DNAAF19: variants seen among roughly 807,000 people sequenced by gnomAD.
DNAAF19 encodes coiled-coil domain containing 103.
the DNAAF19 span, chr17:44,902,850 C>T: frequency 1.3e-6 from 2 of 1,484,922 alleles, no homozygotes; most frequent in East Asian, 5.0e-5. Flanking sequence ...TCCCAGTGGT[C>T]ACTGGAGGCA....
chr17:44,903,806 C>T, the DNAAF19 span: 1 of 1,540,764 alleles, frequency 6.5e-7, no homozygotes, highest in Non-Finnish European at 8.8e-7. Flanking sequence ...TGCCCTGCCC[C>T]TCTGACCCCT....
chr17:44,902,503 G>A, the DNAAF19 span: 1 of 1,614,260 alleles, frequency 6.2e-7, no homozygotes, highest in Non-Finnish European at 8.5e-7. Context: ...CCAGACAGAT[G>A]TGGGATTTGG....
chr17:44,901,558 G>A, the DNAAF19 span: 227 of 1,614,054 alleles, frequency 1.4e-4, no homozygotes, highest in East Asian at 4.1e-3. Flanking sequence ...CCACTGGAGC[G>A]GAAGGATAAG....
At chr17:44,901,757 T>C in the DNAAF19 span, 3 of 1,268,922 alleles carry the variant, frequency 2.4e-6, no homozygotes, top group Admixed American at 5.0e-5. Context: ...TAACCACACA[T>C]ACCTCTTCTT....
At chr17:44,904,259 G>A in the DNAAF19 span, 10 of 1,550,444 alleles carry the variant, frequency 6.4e-6, no homozygotes, top group South Asian at 8.3e-5. Flanking sequence ...CCAGAACAGT[G>A]AGGGAATGGT....
At chr17:44,903,137 T>C in the DNAAF19 span, 5 of 1,275,950 alleles carry the variant, frequency 3.9e-6, no homozygotes, top group East Asian at 1.5e-4. Context: ...ATGCTGGCTA[T>C]ACCAGTTACA....
chr17:44,903,280 A>C, the DNAAF19 span: 2 of 1,248,046 alleles, frequency 1.6e-6, no homozygotes, highest in African/African-American at 1.5e-5. Flanking sequence ...CAAATACTAC[A>C]TCATTTGAGG....
the DNAAF19 span, chr17:44,904,312 A>C: frequency 1.9e-6 from 3 of 1,546,406 alleles, no homozygotes; most frequent in Non-Finnish European, 2.6e-6. Flanking sequence ...TTGCAGATGA[A>C]TACTATGGGC....
At chr17:44,901,201 C>G in the DNAAF19 span, 1 of 1,567,114 alleles carries the variant, frequency 6.4e-7, no homozygotes, top group Non-Finnish European at 8.6e-7. Flanking sequence ...GTAGTTAACT[C>G]TGAAATCAAA....
chr17:44,902,405 A>G, the DNAAF19 span: 1 of 1,614,190 alleles, frequency 6.2e-7, no homozygotes, highest in Non-Finnish European at 8.5e-7. Context: ...GCTGACTTCT[A>G]TCGTGATTGG....
chr17:44,900,788 C>A, the DNAAF19 span, among the ~76,000 whole-genome samples: 9 of 152,206 alleles, frequency 5.9e-5, no homozygotes, highest in African/African-American at 2.2e-4. Context: ...TTTTCAGGGA[C>A]AAGTCTTGTG....
the DNAAF19 span, chr17:44,904,055 A>G: frequency 6.4e-7 from 1 of 1,550,668 alleles, no homozygotes; most frequent in East Asian, 2.4e-5. Context: ...TAGCAGCCAC[A>G]CCAAAGTGCT....
chr17:44,901,253 A>T, the DNAAF19 span: 1 of 1,290,510 alleles, frequency 7.7e-7, no homozygotes, highest in Admixed American at 2.9e-5. Context: ...CTACTGTTTG[A>T]TCTTATGCAA....
the DNAAF19 span, chr17:44,901,587 G>C: frequency 2.5e-5 from 40 of 1,614,028 alleles, no homozygotes; most frequent in Non-Finnish European, 3.4e-5. Context: ...AAAGAGAACT[G>C]TGCCCTGGAA....
the DNAAF19 span, chr17:44,900,906 T>C: frequency 8.1e-6 from 11 of 1,358,306 alleles, no homozygotes; most frequent in Admixed American, 2.7e-5. Context: ...TGGGGTCATT[T>C]TGTGTTCTGG....
chr17:44,903,801 T>C, the DNAAF19 span: 1 of 1,533,078 alleles, frequency 6.5e-7, no homozygotes, highest in African/African-American at 1.4e-5. Context: ...GGTTTTGCCC[T>C]GCCCCTCTGA....
the DNAAF19 span, chr17:44,902,325 G>A: frequency 6.2e-7 from 1 of 1,613,978 alleles, no homozygotes; most frequent in Non-Finnish European, 8.5e-7. Context: ...CAGAACAGCT[G>A]GAAGAGCTCC....
the DNAAF19 span, chr17:44,904,126 G>A: frequency 6.5e-5 from 101 of 1,550,392 alleles, no homozygotes; most frequent in Non-Finnish European, 8.8e-5. Flanking sequence ...GCAGCGACAT[G>A]CTGACCCGCT....
chr17:44,902,782 C>T, the DNAAF19 span: 1 of 1,575,726 alleles, frequency 6.3e-7, no homozygotes, highest in Non-Finnish European at 8.6e-7. Flanking sequence ...GGAGAGGCTC[C>T]TGCAGGAGCT....
Sources: allele counts gnomAD v4.1 joint callset (sites outside exome capture counted in the v4.1 genomes callset), GRCh38; gene constraint gnomAD v4.1.1; transcripts MANE v1.5; gene names NCBI Gene and HGNC (gene_info 2026-07-23, HGNC 2026-07-21).